ADAMTS6: variants seen among roughly 807,000 people sequenced by gnomAD.
The protein encoded by ADAMTS6 is ADAM metallopeptidase with thrombospondin type 1 motif 6.
ADAMTS6 carries 23 observed loss-of-function variants against 144.3 expected under a neutral mutation model. The observed-to-expected ratio is 0.16, with a 90% CI of 0.11 to 0.23. The LOEUF (loss-of-function observed/expected upper bound fraction) is 0.23. Ranked by LOEUF, ADAMTS6 falls within the 10% of genes least tolerant of loss-of-function variation. ADAMTS6 has a pLI of 1.00. For synonymous variants in ADAMTS6, 444 were observed against 457.5 expected (o/e 0.97, Z 0.38); for missense variants, 999 against 1,379.6 (o/e 0.72, Z 4.37).
chr5:65,173,085 T>A, intron 22 of ADAMTS6, 77 bp from the exon 23 acceptor site: 1 of 1,420,454 alleles, frequency 7.0e-7, no homozygotes. Flanking sequence ...TTTCTTCATG[T>A]AAATGTGTGT....
At chr5:65,242,354 G>T (rs750196884) in intron 14 of ADAMTS6, 148 bp from the exon 15 acceptor site, 6 of 513,860 alleles carry the variant, frequency 1.2e-5, no homozygotes, top group African/African-American at 1.1e-4. Context: ...TTTACAATCC[G>T]TATTCAGATT....
intron 7 of ADAMTS6, among the ~76,000 whole-genome samples, chr5:65,412,628 G>A (rs1345541929): frequency 6.6e-6 from 1 of 152,110 alleles, no homozygotes; most frequent in Non-Finnish European, 1.5e-5. Flanking sequence ...ATGGCATTTT[G>A]CATACATCTG....
intron 22 of ADAMTS6, among the ~76,000 whole-genome samples, chr5:65,186,119 T>C (rs887582532): frequency 6.6e-6 from 1 of 152,110 alleles, no homozygotes; most frequent in Non-Finnish European, 1.5e-5. Context: ...CATTATCCAC[T>C]CTTTGTGTTT....
intron 18 of ADAMTS6, among the ~76,000 whole-genome samples, chr5:65,217,692 T>A (rs1181557413): frequency 6.6e-6 from 1 of 152,180 alleles, no homozygotes; most frequent in African/African-American, 2.4e-5. Flanking sequence ...AGACACACTC[T>A]GGATGTACCC....
chr5:65,378,519 T>C (rs1405403483), intron 7 of ADAMTS6, among the ~76,000 whole-genome samples: 1 of 152,200 alleles, frequency 6.6e-6, no homozygotes, highest in Admixed American at 6.5e-5. Flanking sequence ...CCTCTCAATA[T>C]GCGTGAAATT....
chr5:65,197,021 C>T lies in ADAMTS6; in HGVS notation c.2705+1G>A. 1.2e-6 allele frequency: 2 copies of T among 1,606,758 alleles called. No homozygotes were observed. The highest frequency in any genetic ancestry group is 1.1e-5 in the South Asian group (1 of 89,638). On this transcript the variant is annotated splice_donor_variant, in intron 21 of 24. Transcript: ENST00000381055. LOFTEE classifies it high-confidence loss of function. ...AATTCTCATTTCTTTCCCTTACTTA[C>T]TCAGGTGGGCAGGGCTCAGTGTTGC...
At chr5:65,436,104 C>T (rs557305984) in intron 7 of ADAMTS6, among the ~76,000 whole-genome samples, 5 of 152,124 alleles carry the variant, frequency 3.3e-5, no homozygotes, top group African/African-American at 1.2e-4. Flanking sequence ...CAGCTCACAC[C>T]TATAATCCCA....
chr5:65,153,554 G>T (rs551433644), intron 24 of ADAMTS6, among the ~76,000 whole-genome samples: 1 of 152,322 alleles, frequency 6.6e-6, no homozygotes, highest in East Asian at 1.9e-4. Flanking sequence ...GTAGGATACT[G>T]AATTGCTATT....
At chr5:65,404,058 C>T (rs1283141932) in intron 7 of ADAMTS6, among the ~76,000 whole-genome samples, 1 of 151,994 alleles carries the variant, frequency 6.6e-6, no homozygotes, top group East Asian at 1.9e-4. Flanking sequence ...AGATTATATA[C>T]CAAATCCTGA....
At chr5:65,278,322 C>T (rs780492854) in intron 11 of ADAMTS6, among the ~76,000 whole-genome samples, 2 of 152,108 alleles carry the variant, frequency 1.3e-5, no homozygotes, top group African/African-American at 2.4e-5. Flanking sequence ...CATATAATGA[C>T]TTCTTTTCCT....
At chr5:65,444,218 C>G (rs957402854) in intron 7 of ADAMTS6, among the ~76,000 whole-genome samples, 2 of 151,964 alleles carry the variant, frequency 1.3e-5, no homozygotes, top group African/African-American at 4.8e-5. Context: ...ATGGTGAAAC[C>G]CCATCTCTAC....
chr5:65,262,256 C>T (rs1761265424), intron 13 of ADAMTS6, among the ~76,000 whole-genome samples: 1 of 152,150 alleles, frequency 6.6e-6, no homozygotes, highest in African/African-American at 2.4e-5. Context: ...CTGCATAAAA[C>T]AGTCATGGGG....
chr5:65,205,893 A>G, intron 20 of ADAMTS6, among the ~76,000 whole-genome samples: 1 of 152,210 alleles, frequency 6.6e-6, no homozygotes, highest in East Asian at 1.9e-4. Context: ...AGGAGGATGC[A>G]TCGGAAGGAA....
chr5:65,389,579 A>AGTCT (rs1752746456), intron 7 of ADAMTS6, among the ~76,000 whole-genome samples: 1 of 151,702 alleles, frequency 6.6e-6, no homozygotes, highest in Non-Finnish European at 1.5e-5. Context: ...CTTTACAAGG[A>AGTCT]GTCTGTACAT....
intron 7 of ADAMTS6, among the ~76,000 whole-genome samples, chr5:65,377,224 C>T (rs776498640): frequency 6.6e-6 from 1 of 152,194 alleles, no homozygotes; most frequent in East Asian, 1.9e-4. Context: ...TATATTTCCT[C>T]TTACTACAGT....
chr5:65,246,157 G>C (rs1416934442), intron 14 of ADAMTS6, among the ~76,000 whole-genome samples: 1 of 152,116 alleles, frequency 6.6e-6, no homozygotes, highest in Non-Finnish European at 1.5e-5. Flanking sequence ...ATTATTCGCA[G>C]GTTCTTCCTT....
At chr5:65,339,258 C>A (rs1747595947) in intron 7 of ADAMTS6, among the ~76,000 whole-genome samples, 1 of 152,092 alleles carries the variant, frequency 6.6e-6, no homozygotes, top group South Asian at 2.1e-4. Context: ...TGAATTACAG[C>A]TGAAGAAACT....
At chr5:65,470,563 T>A (rs190725355) in intron 3 of ADAMTS6, among the ~76,000 whole-genome samples, 44 of 152,186 alleles carry the variant, frequency 2.9e-4, no homozygotes, top group African/African-American at 1.0e-3. Context: ...CTTCTAATAA[T>A]AGAGTTTTAA....
chr5:65,474,520 G>A (rs1252723813), intron 1 of ADAMTS6, among the ~76,000 whole-genome samples: 1 of 151,848 alleles, frequency 6.6e-6, no homozygotes, highest in African/African-American at 2.4e-5. Flanking sequence ...GACTTTACTC[G>A]GAAGTCTTAT....
Sources: gnomAD v4.1 joint callset for allele counts (sites outside exome capture counted in the v4.1 genomes callset) on GRCh38, gnomAD v4.1.1 for gene constraint, MANE v1.5 for transcripts, NCBI Gene and HGNC (gene_info 2026-07-23, HGNC 2026-07-21) for gene names.